Variants in UBE4B observed in about 807,000 individuals in gnomAD.
UBE4B encodes the protein ubiquitination factor E4B.
Under a neutral mutation model 148.1 loss-of-function variants are expected in UBE4B, and 27 were observed. The observed-to-expected ratio is 0.18, with a 90% CI of 0.13 to 0.25. The LOEUF (loss-of-function observed/expected upper bound fraction) is 0.25, where lower values mean the gene tolerates loss of function less well. UBE4B is among the 10% of genes least tolerant of loss of function. UBE4B has a pLI of 1.00. For synonymous variants in UBE4B, 596 were observed against 619.3 expected (o/e 0.96, Z 0.56); for missense variants, 1,170 against 1,662.4 (o/e 0.70, Z 5.15).
intron 9 of UBE4B, among the ~76,000 whole-genome samples, chr1:10,121,340 G>C (rs936103554): frequency 6.6e-5 from 10 of 152,084 alleles, no homozygotes; most frequent in Admixed American, 4.6e-4. Flanking sequence ...GGGCAACAGA[G>C]CGAGACTCCA....
chr1:10,033,613 G>A lies in UBE4B; in HGVS notation c.-58G>A. 2.1e-6 allele frequency: 3 copies of A among 1,462,032 alleles called. No individual in the cohort carries two copies. Among genetic ancestry groups the A allele is most frequent in the East Asian group, 5.3e-5 (2 of 37,686 alleles). 90.6% of individuals were successfully genotyped at this position (1,462,032 alleles called of 1,614,324 possible). On this transcript the variant is annotated 5_prime_UTR_variant, in exon 1 of 28. The change creates a new upstream start codon in the 5' untranslated region. Transcript: ENST00000343090. ...ACCTTCCACTCTCCTTCCTCCCGCC[G>A]TGGTCTCGAGAACAGAAGGATCTCT...
intron 18 of UBE4B, 39 bp downstream of exon 18, chr1:10,145,078 A>C: frequency 1.1e-5 from 16 of 1,519,672 alleles, no homozygotes; most frequent in African/African-American, 2.8e-5. Flanking sequence ...GACCAGCCTC[A>C]TAGTGATAAT....
At chr1:10,176,791 T>C (rs900633156) in intron 25 of UBE4B, among the ~76,000 whole-genome samples, 8 of 145,134 alleles carry the variant, frequency 5.5e-5, no homozygotes, top group African/African-American at 2.0e-4. Context: ...TTTCTTTTTT[T>C]TTTTTTTTTT....
intron 24 of UBE4B, among the ~76,000 whole-genome samples, chr1:10,170,137 C>G (rs1646317423): frequency 6.6e-6 from 1 of 152,212 alleles, no homozygotes; most frequent in South Asian, 2.1e-4. Context: ...CTTTGCTACA[C>G]TATTTACTAT....
intron 1 of UBE4B, among the ~76,000 whole-genome samples, chr1:10,068,349 C>G (rs1460231963): frequency 6.9e-6 from 1 of 144,558 alleles, no homozygotes; most frequent in Non-Finnish European, 1.5e-5. Flanking sequence ...TTTCTTTTTT[C>G]TTTTTCTTTT....
chr1:10,122,089 G>C lies in UBE4B; in HGVS notation c.1554+13G>C. The C allele has an allele frequency of 6.3e-7, 1 of 1,579,164 alleles. No homozygotes were observed. The highest frequency in any genetic ancestry group is 8.6e-7 in the Non-Finnish European group (1 of 1,158,936). ...AGTGTTCAAGCAGGTACGGTCGTATGAGTTTGCTCTTGCAAATTTTAGCCT... is the reference window on the plus strand; with the variant it reads ...AGTGTTCAAGCAGGTACGGTCGTATCAGTTTGCTCTTGCAAATTTTAGCCT... On this transcript the variant is annotated intron_variant, in intron 10 of 27. Coordinates refer to ENST00000343090, the MANE Select transcript of UBE4B (RefSeq NM_001105562.3).
At chr1:10,157,044 C>G (rs1646084917) in intron 21 of UBE4B, among the ~76,000 whole-genome samples, 1 of 152,100 alleles carries the variant, frequency 6.6e-6, no homozygotes, top group Non-Finnish European at 1.5e-5. Flanking sequence ...GAGACAGAGT[C>G]TTGCTTTGTC....
rs548741158 is a variant in UBE4B at position 10,177,445 on chromosome 1, G to A, written c.3526-1199G>A. Among the ~76,000 whole-genome samples the A allele has an allele frequency of 9.9e-5, 15 of 152,242 alleles. No individual in the cohort carries two copies. In the East Asian group the frequency reaches 1.8e-3, roughly 18 times the overall value. On this transcript the variant is annotated intron_variant, in intron 25 of 27. Transcript: ENST00000343090. ...GTGGAGGCTTCAGTGAGCCGAGAGC[G>A]TGCCTCTGCACTCCAGCCTGGGTGA... is the stretch of plus-strand genomic sequence containing the variant.
At chr1:10,056,100 C>G (rs1644163512) in intron 1 of UBE4B, among the ~76,000 whole-genome samples, 2 of 152,158 alleles carry the variant, frequency 1.3e-5, no homozygotes, top group South Asian at 2.1e-4. Flanking sequence ...AGCAGGAAAC[C>G]TTCTTTAAAT....
At chr1:10,162,947 A>C (rs17034544) in intron 23 of UBE4B, among the ~76,000 whole-genome samples, 4,453 of 152,246 alleles carry the variant, frequency 0.029, 216 homozygotes, top group African/African-American at 0.1. Context: ...TGTCTTCGCC[A>C]ATCAGCATAG....
chr1:10,048,514 G>C (rs1643961550), intron 1 of UBE4B, among the ~76,000 whole-genome samples: 1 of 152,116 alleles, frequency 6.6e-6, no homozygotes, highest in Non-Finnish European at 1.5e-5. Flanking sequence ...GCAATTAAAG[G>C]TTGGGAGATC....
At chr1:10,101,786 C>T (rs535446273) in intron 4 of UBE4B, among the ~76,000 whole-genome samples, 13 of 152,058 alleles carry the variant, frequency 8.5e-5, no homozygotes, top group South Asian at 2.1e-4. Flanking sequence ...GGATTACAGG[C>T]GTGAGCCACT....
Position 10,174,518 on chromosome 1 carries a change from T to C in UBE4B, c.3525+3189T>C, listed in dbSNP as rs1206029492. ...GAGTTTGAGACCAGCCTGGCTAACATGGTGAAACCCTGTTTCTACTAAAAA... is the reference window on the plus strand; with the variant it reads ...GAGTTTGAGACCAGCCTGGCTAACACGGTGAAACCCTGTTTCTACTAAAAA... On this transcript the variant is annotated intron_variant, in intron 25 of 27. Transcript: ENST00000343090. Among the ~76,000 whole-genome samples the C allele has an allele frequency of 5.9e-5, 9 of 151,544 alleles. No homozygotes were observed. The South Asian group carries it at 1.0e-3, about 18-fold the overall frequency.
chr1:10,163,632 C>T (rs532647377), intron 23 of UBE4B, among the ~76,000 whole-genome samples: 1 of 152,094 alleles, frequency 6.6e-6, no homozygotes, highest in South Asian at 2.1e-4. Flanking sequence ...CGCACCACTG[C>T]ACTCCAGCCT....
At position 10,145,101 on chromosome 1, in the gene UBE4B, A is replaced by G. The variant is rs571144271; in HGVS notation, c.2463+62A>G. The G allele has an allele frequency of 2.7e-5, 36 of 1,352,884 alleles. No individual in the cohort carries two copies. In the East Asian group the frequency reaches 8.1e-4, roughly 31 times the overall value. The allele number at this position is 1,352,884 out of a possible 1,614,324, so 83.8% of individuals were successfully genotyped here. Reference sequence around the variant, plus strand: ...TCATAGTGATAATTTTCCCAACAGAATATATGCCTTGAGTGAGCAGTTTAG... The same window carrying G: ...TCATAGTGATAATTTTCCCAACAGAGTATATGCCTTGAGTGAGCAGTTTAG... On this transcript the variant is annotated intron_variant, in intron 18 of 27. Coordinates refer to ENST00000343090, the MANE Select transcript of UBE4B (RefSeq NM_001105562.3).
At position 10,158,341 on chromosome 1, in the gene UBE4B, G is replaced by A; in HGVS notation, c.2927-15G>A. On this transcript the variant is annotated splice_polypyrimidine_tract_variant and intron_variant, in intron 21 of 27. Coordinates refer to ENST00000343090, the MANE Select transcript of UBE4B (RefSeq NM_001105562.3). ...AAAATACATATCCCTCAGTACCTTT[G>A]TCTTTCTTCTTTAGATGTTGAGCAT... The A allele has an allele frequency of 6.2e-7, 1 of 1,613,734 alleles. No homozygotes were observed. The highest frequency in any genetic ancestry group is 1.1e-5 in the South Asian group (1 of 91,074).
chr1:10,047,348 G>C (rs1448937409), intron 1 of UBE4B, among the ~76,000 whole-genome samples: 1 of 152,078 alleles, frequency 6.6e-6, no homozygotes, highest in African/African-American at 2.4e-5. Context: ...TTTGTGCACT[G>C]TCATCCTCTA....
intron 1 of UBE4B, 43 bp downstream of exon 1, chr1:10,033,737 C>T: frequency 1.3e-6 from 2 of 1,522,608 alleles, no homozygotes; most frequent in Non-Finnish European, 1.8e-6. Flanking sequence ...GTTGGCAACT[C>T]GTTAGCGCTT....
intron 17 of UBE4B, among the ~76,000 whole-genome samples, chr1:10,139,168 G>A (rs995441179): frequency 2.0e-5 from 3 of 152,252 alleles, no homozygotes; most frequent in African/African-American, 7.2e-5. Context: ...GGCCGAGGCA[G>A]ACGGATCACC....
Sources: gnomAD v4.1 joint callset for allele counts (sites outside exome capture counted in the v4.1 genomes callset) on GRCh38, gnomAD v4.1.1 for gene constraint, MANE v1.5 for transcripts, NCBI Gene and HGNC (gene_info 2026-07-23, HGNC 2026-07-21) for gene names.